Variants in CPA6 observed in about 807,000 individuals in gnomAD.
The protein encoded by CPA6 is carboxypeptidase B.
CPA6 carries 58 observed loss-of-function variants against 63.3 expected under a neutral mutation model. That is an observed-to-expected ratio of 0.92 (90% CI 0.74 to 1.14). CPA6 has a LOEUF of 1.14. Ranked by LOEUF, CPA6 falls within the 50% of genes most tolerant of loss-of-function variation. CPA6 has a pLI of 0.00. For missense variants in CPA6, 565 were observed against 526.6 expected, an observed-to-expected ratio of 1.07 and a Z score of -0.71; for synonymous variants, 185 against 179.0, an observed-to-expected ratio of 1.03 and a Z score of -0.27.
At chr8:67,426,216 G>T (rs557025649) in intron 10 of CPA6, among the ~76,000 whole-genome samples, 3 of 152,244 alleles carry the variant, frequency 2.0e-5, no homozygotes, top group South Asian at 4.1e-4. Flanking sequence ...TGATCCACCC[G>T]CTTTGGCCTT....
rs149718732 is a variant in CPA6 at position 67,582,255 on chromosome 8, T to C, written c.192+41921A>G. Among the ~76,000 whole-genome samples the C allele has an allele frequency of 4.6e-3, 695 of 152,192 alleles. 4 individuals carry two copies. Among genetic ancestry groups the C allele is most frequent in the African/African-American group, 0.016 (648 of 41,520 alleles). ...TCATCGCACAAGGTCAGTTCCAATA[T>C]ATATGGGATGGCTGATAGATTTGTA... is the stretch of plus-strand genomic sequence containing the variant. On this transcript the variant is annotated intron_variant, in intron 2 of 10. Transcript: ENST00000297770.
At chr8:67,491,988 G>A (rs1426511395) in intron 6 of CPA6, among the ~76,000 whole-genome samples, 1 of 152,168 alleles carries the variant, frequency 6.6e-6, no homozygotes, top group African/African-American at 2.4e-5. Context: ...TTGTGTCCTT[G>A]TTTCCCGGTG....
chr8:67,493,721 C>T (rs529278777), intron 6 of CPA6, among the ~76,000 whole-genome samples: 3 of 152,146 alleles, frequency 2.0e-5, no homozygotes, highest in Non-Finnish European at 4.4e-5. Context: ...ATTACATAGA[C>T]AGCAGACGAA....
intron 2 of CPA6, among the ~76,000 whole-genome samples, chr8:67,542,282 T>G (rs775753837): frequency 1.6e-4 from 25 of 152,242 alleles, no homozygotes; most frequent in Admixed American, 3.3e-4. Flanking sequence ...TACTGACAAA[T>G]TAACATCAAA....
intron 2 of CPA6, among the ~76,000 whole-genome samples, chr8:67,594,360 T>C (rs1387963600): frequency 1.3e-5 from 2 of 152,228 alleles, no homozygotes; most frequent in East Asian, 3.9e-4. Flanking sequence ...CAATTATGTG[T>C]CTTGGAGTTG....
chr8:67,637,074 G>C (rs1815484802), intron 1 of CPA6, among the ~76,000 whole-genome samples: 1 of 151,580 alleles, frequency 6.6e-6, no homozygotes, highest in South Asian at 2.1e-4. Context: ...CTTCACTCTT[G>C]GATTAAAGTT....
chr8:67,718,453 T>TTATG (rs1817425171), intron 1 of CPA6, among the ~76,000 whole-genome samples: 1 of 152,002 alleles, frequency 6.6e-6, no homozygotes, highest in African/African-American at 2.4e-5. Flanking sequence ...GGACCATGGG[T>TTATG]TATGTATGGC....
At chr8:67,594,029 G>T (rs1205089147) in intron 2 of CPA6, among the ~76,000 whole-genome samples, 3 of 151,400 alleles carry the variant, frequency 2.0e-5, no homozygotes, top group Admixed American at 6.6e-5. Flanking sequence ...TACTGGTTGT[G>T]CCTTTCCATG....
intron 1 of CPA6, among the ~76,000 whole-genome samples, chr8:67,624,989 G>T (rs1000860180): frequency 9.9e-5 from 15 of 152,120 alleles, no homozygotes; most frequent in Non-Finnish European, 2.2e-4. Flanking sequence ...CAGCCAGGGA[G>T]ATGGGAGCTC....
chr8:67,696,816 A>C (rs1816921069), intron 1 of CPA6, among the ~76,000 whole-genome samples: 1 of 152,154 alleles, frequency 6.6e-6, no homozygotes, highest in African/African-American at 2.4e-5. Flanking sequence ...AGAAAGATTA[A>C]ATGACTGCTG....
At chr8:67,511,499 T>G (rs750378851) in intron 4 of CPA6, 42 bp downstream of exon 4, 1 of 1,085,644 alleles carries the variant, frequency 9.2e-7, no homozygotes, top group African/African-American at 1.6e-5. Context: ...ATGATAAAGA[T>G]GACTCTGTGA....
At chr8:67,736,183 T>A (rs1277055672) in intron 1 of CPA6, among the ~76,000 whole-genome samples, 1 of 152,202 alleles carries the variant, frequency 6.6e-6, no homozygotes, top group Non-Finnish European at 1.5e-5. Context: ...CTTTCCTTTA[T>A]CACTGGTCTC....
chr8:67,714,403 A>G (rs1817335217), intron 1 of CPA6, among the ~76,000 whole-genome samples: 1 of 152,218 alleles, frequency 6.6e-6, no homozygotes, highest in African/African-American at 2.4e-5. Flanking sequence ...TAGTATCCTA[A>G]TTCTGAGCTA....
At chr8:67,702,040 CTA>C (rs997050432) in intron 1 of CPA6, among the ~76,000 whole-genome samples, 8 of 152,040 alleles carry the variant, frequency 5.3e-5, no homozygotes, top group African/African-American at 1.9e-4. Flanking sequence ...AACTGCCTCT[CTA>C]AAAGAATAAT....
intron 2 of CPA6, among the ~76,000 whole-genome samples, chr8:67,571,929 C>G (rs1564005408): frequency 6.6e-6 from 1 of 151,600 alleles, no homozygotes; most frequent in Non-Finnish European, 1.5e-5. Context: ...AATTGACAAA[C>G]CTTTAGCTAG....
chr8:67,602,750 G>A (rs146794986), intron 2 of CPA6, among the ~76,000 whole-genome samples: 4 of 152,290 alleles, frequency 2.6e-5, no homozygotes, highest in Non-Finnish European at 5.9e-5. Flanking sequence ...TCGACCGGAT[G>A]TCAGGAAATT....
rs537200443 is a variant in CPA6 at position 67,590,661 on chromosome 8, G to A, written c.192+33515C>T. On this transcript the variant is annotated intron_variant, in intron 2 of 10. Coordinates refer to ENST00000297770, the MANE Select transcript of CPA6 (RefSeq NM_020361.5). ...CCAGTGATGATGAGCATTTTTTCAT[G>A]TGTCTTTTGGCTGCATAAATGTCTT... Among the ~76,000 whole-genome samples the A allele has an allele frequency of 9.9e-3, 1,505 of 152,210 alleles. 9 individuals carry two copies. Among genetic ancestry groups the A allele is most frequent in the South Asian group, 0.031 (151 of 4,826 alleles).
chr8:67,476,666 G>A (rs137855638), intron 8 of CPA6, among the ~76,000 whole-genome samples: 10 of 151,410 alleles, frequency 6.6e-5, no homozygotes, highest in African/African-American at 2.2e-4. Context: ...TCAACCAAAT[G>A]AGTAAAAGTA....
intron 2 of CPA6, among the ~76,000 whole-genome samples, chr8:67,557,496 T>A (rs565077404): frequency 6.4e-4 from 98 of 152,322 alleles, no homozygotes; most frequent in African/African-American, 2.1e-3. Flanking sequence ...GTAGCAGCAG[T>A]TGGATTCAAT....
Sources: gnomAD v4.1 joint callset for allele counts (sites outside exome capture counted in the v4.1 genomes callset) on GRCh38, gnomAD v4.1.1 for gene constraint, MANE v1.5 for transcripts, NCBI Gene and HGNC (gene_info 2026-07-23, HGNC 2026-07-21) for gene names.